Variants in FTCDNL1 observed in about 807,000 individuals in gnomAD.
FTCDNL1 encodes formiminotransferase N-terminal subdomain-containing protein.
FTCDNL1 carries 11 observed loss-of-function variants against 5.9 expected under a neutral mutation model. The ratio of observed to expected loss-of-function variants is 1.87; its 90% CI spans 1.18 to 3.10. The LOEUF (loss-of-function observed/expected upper bound fraction) is 3.10. FTCDNL1 is among the 30% of genes most tolerant of loss of function. The pLI is 0.00. For synonymous variants in FTCDNL1, 58 were observed against 24.8 expected (o/e 2.34, Z -3.99); for missense variants, 115 against 65.5 (o/e 1.76, Z -2.61).
chr2:199,773,423 A>C (rs1470772488), intron 3 of FTCDNL1, among the ~76,000 whole-genome samples: 2 of 152,160 alleles, frequency 1.3e-5, no homozygotes, highest in Non-Finnish European at 2.9e-5. Flanking sequence ...AAGTACTCAC[A>C]AGTGTCTGAG....
the FTCDNL1 span, among the ~76,000 whole-genome samples, chr2:199,704,824 T>C: frequency 2.0e-5 from 3 of 152,088 alleles, no homozygotes; most frequent in African/African-American, 7.2e-5. Flanking sequence ...AGGAATCTTG[T>C]AAACCACCCC....
the FTCDNL1 span, among the ~76,000 whole-genome samples, chr2:199,723,721 C>T: frequency 6.6e-6 from 1 of 152,060 alleles, no homozygotes; most frequent in East Asian, 1.9e-4. Context: ...GCCTTGCATC[C>T]CAGGGATAAA....
intron 3 of FTCDNL1, chr2:199,844,265 C>T: frequency 2.4e-6 from 1 of 419,410 alleles, no homozygotes; most frequent in Middle Eastern, 3.4e-4. Flanking sequence ...TGATACAGTT[C>T]TTCAAGATCA....
intron 3 of FTCDNL1, among the ~76,000 whole-genome samples, chr2:199,766,550 G>A (rs1282342528): frequency 6.6e-6 from 1 of 152,160 alleles, no homozygotes; most frequent in Non-Finnish European, 1.5e-5. Flanking sequence ...TTAGGAATCA[G>A]AAATATGTAG....
the FTCDNL1 span, among the ~76,000 whole-genome samples, chr2:199,687,747 A>G: frequency 6.6e-6 from 1 of 152,342 alleles, no homozygotes; most frequent in East Asian, 1.9e-4. Context: ...TCATTAAAGT[A>G]CCAGTAAGCA....
At chr2:199,813,447 T>G (rs1382101999) in intron 4 of FTCDNL1, among the ~76,000 whole-genome samples, 1 of 152,204 alleles carries the variant, frequency 6.6e-6, no homozygotes, top group Admixed American at 6.5e-5. Context: ...CCATTCATTA[T>G]ATTATACTCC....
intron 3 of FTCDNL1, among the ~76,000 whole-genome samples, chr2:199,800,595 C>T (rs553891027): frequency 3.3e-5 from 5 of 152,146 alleles, no homozygotes; most frequent in African/African-American, 9.7e-5. Flanking sequence ...CTGTATAGTG[C>T]TATACATGTT....
At chr2:199,742,404 A>G in the FTCDNL1 span, among the ~76,000 whole-genome samples, 1 of 152,202 alleles carries the variant, frequency 6.6e-6, no homozygotes. Flanking sequence ...CTTAGGATTT[A>G]TCATAATGCC....
intron 3 of FTCDNL1, among the ~76,000 whole-genome samples, chr2:199,792,991 T>C (rs1322843186): frequency 6.6e-6 from 1 of 152,188 alleles, no homozygotes; most frequent in African/African-American, 2.4e-5. Flanking sequence ...TTCTATTTAA[T>C]GGATAGATTA....
chr2:199,830,676 T>C (rs901887452), intron 3 of FTCDNL1, among the ~76,000 whole-genome samples: 7 of 151,892 alleles, frequency 4.6e-5, no homozygotes, highest in Admixed American at 1.3e-4. Flanking sequence ...CCCTAACCGC[T>C]CCAACACAAA....
chr2:199,666,006 G>C, the FTCDNL1 span, among the ~76,000 whole-genome samples: 1 of 152,184 alleles, frequency 6.6e-6, no homozygotes, highest in Non-Finnish European at 1.5e-5. Context: ...AAATCTGGGA[G>C]AAACCAAAAT....
downstream of FTCDNL1, among the ~76,000 whole-genome samples, chr2:199,807,713 T>C (rs1700802824): frequency 6.6e-6 from 1 of 152,220 alleles, no homozygotes; most frequent in Non-Finnish European, 1.5e-5. Flanking sequence ...AAAGGCCACA[T>C]TTAATCAACT....
At chr2:199,744,732 C>T in the FTCDNL1 span, among the ~76,000 whole-genome samples, 11 of 152,302 alleles carry the variant, frequency 7.2e-5, no homozygotes, top group Admixed American at 3.3e-4. Flanking sequence ...GACTTAATCA[C>T]GACTACTTGT....
chr2:199,841,595 AT>A (rs1487283955), intron 3 of FTCDNL1, among the ~76,000 whole-genome samples: 1 of 152,184 alleles, frequency 6.6e-6, no homozygotes, highest in Non-Finnish European at 1.5e-5. Context: ...ACGATGAATC[AT>A]TTAGAACATT....
chr2:199,703,790 TTTC>T, the FTCDNL1 span, among the ~76,000 whole-genome samples: 3 of 152,196 alleles, frequency 2.0e-5, no homozygotes, highest in African/African-American at 7.2e-5. Flanking sequence ...ATTAAATTAT[TTTC>T]TTATTATTGT....
the FTCDNL1 span, among the ~76,000 whole-genome samples, chr2:199,739,061 GAAGA>G: frequency 6.6e-6 from 1 of 152,192 alleles, no homozygotes; most frequent in Non-Finnish European, 1.5e-5. Context: ...CAGAAGGAAG[GAAGA>G]AATGCAAAAT....
downstream of FTCDNL1, among the ~76,000 whole-genome samples, chr2:199,758,629 T>A (rs372719615): frequency 2.6e-5 from 4 of 152,106 alleles, no homozygotes; most frequent in Non-Finnish European, 5.9e-5. Flanking sequence ...TGCAAAACCA[T>A]TCACAAGTAT....
chr2:199,773,678 T>C (rs1304685764), intron 3 of FTCDNL1, among the ~76,000 whole-genome samples: 1 of 152,206 alleles, frequency 6.6e-6, no homozygotes, highest in East Asian at 1.9e-4. Context: ...CTTTTAATTG[T>C]ATAGATTGAG....
chr2:199,716,725 C>T, the FTCDNL1 span, among the ~76,000 whole-genome samples: 4 of 152,060 alleles, frequency 2.6e-5, no homozygotes, highest in Non-Finnish European at 5.9e-5. Context: ...GGTGGGCTTA[C>T]GGTTACAGCC....
Sources: gnomAD v4.1 joint callset for allele counts (sites outside exome capture counted in the v4.1 genomes callset) on GRCh38, gnomAD v4.1.1 for gene constraint, MANE v1.5 for transcripts, NCBI Gene and HGNC (gene_info 2026-07-23, HGNC 2026-07-21) for gene names.